The following JAKMIP2 variants were observed in gnomAD, a reference collection of about 807,000 sequenced individuals.
The protein encoded by JAKMIP2 is janus kinase and microtubule-interacting protein 2.
A neutral mutation model predicts 115.0 loss-of-function variants in JAKMIP2; 25 were observed. The observed-to-expected ratio is 0.22, with a 90% CI of 0.16 to 0.30. JAKMIP2 has a LOEUF of 0.30. Ranked by LOEUF, JAKMIP2 falls within the 10% of genes least tolerant of loss-of-function variation. The pLI is 1.00. For missense variants in JAKMIP2, 642 were observed against 957.6 expected, an observed-to-expected ratio of 0.67 and a Z score of 4.35; for synonymous variants, 334 against 343.6, an observed-to-expected ratio of 0.97 and a Z score of 0.31.
chr5:147,641,811 T>G, intron 7 of JAKMIP2, 47 bp from the exon 8 acceptor site: 1 of 1,473,038 alleles, frequency 6.8e-7, no homozygotes, highest in South Asian at 1.1e-5. Context: ...GGTAGATGTT[T>G]CTTTATAGTT....
At chr5:147,643,925 G>A in intron 7 of JAKMIP2, 133 bp downstream of exon 7, 2 of 606,286 alleles carry the variant, frequency 3.3e-6, no homozygotes, top group Non-Finnish European at 5.4e-6. Context: ...ACAGTCTCTA[G>A]AACAAAATTA....
At chr5:147,724,307 C>G (rs1041593681) in intron 1 of JAKMIP2, among the ~76,000 whole-genome samples, 1 of 152,162 alleles carries the variant, frequency 6.6e-6, no homozygotes, top group Non-Finnish European at 1.5e-5. Context: ...TCCAAACATA[C>G]ATTTTCTACC....
intron 3 of JAKMIP2, among the ~76,000 whole-genome samples, chr5:147,658,856 A>G (rs1471614477): frequency 6.6e-6 from 1 of 152,138 alleles, no homozygotes; most frequent in East Asian, 1.9e-4. Context: ...CTAAAGCCAC[A>G]GTAATGACGG....
chr5:147,741,009 C>A (rs760267172), intron 1 of JAKMIP2, among the ~76,000 whole-genome samples: 2 of 152,108 alleles, frequency 1.3e-5, no homozygotes, highest in African/African-American at 2.4e-5. Flanking sequence ...CGCCTCATAT[C>A]ATATTGGCCC....
At chr5:147,661,607 G>T (rs1388054268) in intron 2 of JAKMIP2, 162 bp from the exon 3 acceptor site, 3 of 652,634 alleles carry the variant, frequency 4.6e-6, no homozygotes, top group African/African-American at 3.6e-5. Context: ...TTGAAGCTGG[G>T]AATACAGTGT....
At chr5:147,728,257 G>GTC (rs1753595417) in intron 1 of JAKMIP2, among the ~76,000 whole-genome samples, 1 of 152,148 alleles carries the variant, frequency 6.6e-6, no homozygotes, top group Non-Finnish European at 1.5e-5. Flanking sequence ...GTATGGAAAA[G>GTC]TCTCCACCCC....
chr5:147,636,233 G>C lies in JAKMIP2; in HGVS notation c.1666C>G (p.Leu556Val). 6.2e-7 allele frequency: 1 copy of C among 1,613,492 alleles called. No individual in the cohort carries two copies. The highest frequency in any genetic ancestry group is 8.5e-7 in the Non-Finnish European group (1 of 1,179,458). The change falls in exon 12 of 22, where the codon CTT becomes GTT. Residue 556 changes from leucine (L) to valine (V), a missense_variant. Leu to Val is a conservative substitution (Grantham distance 32). Coordinates refer to ENST00000616793, the MANE Select transcript of JAKMIP2 (RefSeq NM_001270941.2). ...KQLFIKRNQE[L>V]LEKIEKQEAE... is the part of the protein sequence containing the mutation. ...TGTGCCCAACATACCTTTTCTAAAA[G>C]CTCCTGGTTTCTCTTAATGAAAAGT...
intron 21 of JAKMIP2, 75 bp from the exon 22 acceptor site, chr5:147,591,761 A>G (rs930847786): frequency 1.1e-6 from 1 of 911,222 alleles, no homozygotes; most frequent in Admixed American, 2.3e-5. Flanking sequence ...AAACTTTAAA[A>G]AAAGACACAA....
At chr5:147,780,923 T>C (rs1272284730) in intron 1 of JAKMIP2, among the ~76,000 whole-genome samples, 2 of 152,162 alleles carry the variant, frequency 1.3e-5, no homozygotes. Context: ...AAATGTAATA[T>C]TACTAATACA....
intron 12 of JAKMIP2, among the ~76,000 whole-genome samples, chr5:147,634,181 C>G (rs1757500153): frequency 6.6e-6 from 1 of 152,114 alleles, no homozygotes. Context: ...TTTGAAGTTA[C>G]CTATTTAGGT....
rs370673089 is a variant in JAKMIP2, at chr5:147,603,090, C to A, written c.2413-1279G>T. Among the ~76,000 whole-genome samples, 21 of 152,240 alleles carry A rather than the reference C, an allele frequency of 1.4e-4. No homozygotes were observed. The South Asian group carries it at 4.4e-3, about 32-fold the overall frequency. On this transcript the variant is annotated intron_variant, in intron 20 of 21. Transcript: ENST00000616793. ...CAGATATCAGAGCTACCTCTTTGGG[C>A]ATGAGGAGATGCCCATCACTTAATC...
At chr5:147,634,215 T>C (rs1258128047) in intron 12 of JAKMIP2, among the ~76,000 whole-genome samples, 3 of 152,186 alleles carry the variant, frequency 2.0e-5, no homozygotes, top group East Asian at 1.9e-4. Context: ...TGCCATCCCT[T>C]TATTTTGTTT....
At chr5:147,694,192 T>A (rs1432827) in intron 1 of JAKMIP2, among the ~76,000 whole-genome samples, 45,342 of 152,006 alleles carry the variant, frequency 0.3, 8,217 homozygotes, top group East Asian at 0.51. Flanking sequence ...GCTGGAAATC[T>A]CTACTGCCTA....
At chr5:147,751,337 ATCCGCCCTCC>A (rs1754551778) in intron 1 of JAKMIP2, among the ~76,000 whole-genome samples, 1 of 147,224 alleles carries the variant, frequency 6.8e-6, no homozygotes, top group Non-Finnish European at 1.5e-5. Flanking sequence ...TGACCTCGTG[ATCCGCCCTCC>A]TCCGCCTCCC....
intron 1 of JAKMIP2, among the ~76,000 whole-genome samples, chr5:147,716,081 G>C (rs1752976955): frequency 6.9e-6 from 1 of 145,152 alleles, no homozygotes; most frequent in African/African-American, 2.6e-5. Flanking sequence ...ACGTATGAGT[G>C]AGAATATGCA....
At position 147,680,829 on chromosome 5, in the gene JAKMIP2, C is replaced by T. The variant is rs559633052; in HGVS notation, c.-148-8875G>A. 2.6e-5 allele frequency among the ~76,000 whole-genome samples: 4 copies of T among 152,254 alleles called. No individual in the cohort carries two copies. The South Asian group carries it at 8.3e-4, about 32-fold the overall frequency. ...GTCCAACATTGAAGTTCTACCTTCT[C>T]TTAATAAAGGGAATGTGGTGGCATG... On this transcript the variant is annotated intron_variant, in intron 1 of 21. Transcript: ENST00000616793.
intron 20 of JAKMIP2, among the ~76,000 whole-genome samples, chr5:147,606,856 C>G (rs879236258): frequency 6.6e-6 from 1 of 152,064 alleles, no homozygotes; most frequent in Non-Finnish European, 1.5e-5. Flanking sequence ...CTCTTATTGC[C>G]TTGAGTAGTG....
chr5:147,733,693 T>C (rs1428802674), intron 1 of JAKMIP2, among the ~76,000 whole-genome samples: 1 of 152,134 alleles, frequency 6.6e-6, no homozygotes, highest in African/African-American at 2.4e-5. Flanking sequence ...GGACTCCCAC[T>C]TATGAGTGAG....
intron 17 of JAKMIP2, 81 bp from the exon 18 acceptor site, chr5:147,620,824 C>T: frequency 2.0e-6 from 2 of 986,858 alleles, no homozygotes; most frequent in Non-Finnish European, 3.2e-6. Context: ...AATGTTTCCT[C>T]TAATTCTACC....
Sources: gnomAD v4.1 joint callset for allele counts (sites outside exome capture counted in the v4.1 genomes callset) on GRCh38, gnomAD v4.1.1 for gene constraint, MANE v1.5 for transcripts, NCBI Gene and HGNC (gene_info 2026-07-23, HGNC 2026-07-21) for gene names.